SH3BP5L: variants seen among roughly 807,000 people sequenced by gnomAD.
SH3BP5L encodes SH3 binding domain protein 5 like.
Under a neutral mutation model 40.9 loss-of-function variants are expected in SH3BP5L, and 16 were observed. The ratio of observed to expected loss-of-function variants is 0.39; its 90% CI spans 0.27 to 0.59. SH3BP5L has a LOEUF of 0.59. Among genes scored for constraint, SH3BP5L ranks in the 20% least tolerant of loss-of-function variants. The pLI, the probability that SH3BP5L is intolerant of heterozygous loss-of-function variation, is 0.53. For missense variants in SH3BP5L, 471 were observed against 544.6 expected (o/e 0.86, Z 1.35); for synonymous variants, 229 against 226.7 (o/e 1.01, Z -0.09).
Position 248,814,617 on chromosome 1 carries a change from G to A in SH3BP5L, c.376-7C>T, listed in dbSNP as rs946106648. On this transcript the variant is annotated splice_region_variant and splice_polypyrimidine_tract_variant and intron_variant, in intron 4 of 6. Transcript: ENST00000366472. ...TCTGTGTCTCCTGCTGAGCCTGGGGGGAGAGGGATATCAGGATGGGGAACC... is the reference window on the plus strand; with the variant it reads ...TCTGTGTCTCCTGCTGAGCCTGGGGAGAGAGGGATATCAGGATGGGGAACC... 1.2e-6 allele frequency: 2 copies of A among 1,614,092 alleles called. No individual in the cohort carries two copies. Among genetic ancestry groups the A allele is most frequent in the African/African-American group, 2.7e-5 (2 of 74,936 alleles).
Position 248,811,870 on chromosome 1 carries a change from A to T in SH3BP5L, c.*30T>A, listed in dbSNP as rs1052099240. The T allele has an allele frequency of 6.9e-7, 1 of 1,447,970 alleles. No individual in the cohort carries two copies. The highest frequency in any genetic ancestry group is 1.4e-5 in the African/African-American group (1 of 70,432). The allele number at this position is 1,447,970 out of a possible 1,614,324, so 89.7% of individuals were successfully genotyped here. ...TGGGCCCCAACCGGCCCGTGGTGGC[A>T]GATTCAAGCCAGGAACCCTGGCCCC... On this transcript the variant is annotated 3_prime_UTR_variant, in exon 7 of 7. Transcript: ENST00000366472.
chr1:248,825,215 C>T lies in SH3BP5L; in HGVS notation c.-280G>A. The T allele has an allele frequency of 8.4e-7, 1 of 1,184,626 alleles. No individual in the cohort carries two copies. The highest frequency in any genetic ancestry group is 1.0e-6 in the Non-Finnish European group (1 of 954,006). 73.4% of individuals were successfully genotyped at this position (1,184,626 alleles called of 1,614,324 possible). A position where few individuals can be genotyped will look rare whatever the true frequency, so the allele number is the denominator to read the frequency against. On this transcript the variant is annotated 5_prime_UTR_variant, in exon 2 of 7. Transcript: ENST00000366472. ...CAAACCCGGAGCAACAGCTCCAAGG[C>T]AGGGGGCAAAGGGGGCTTGGATCCT...
intron 2 of SH3BP5L, among the ~76,000 whole-genome samples, chr1:248,817,234 T>C (rs1379528260): frequency 6.6e-6 from 1 of 152,200 alleles, no homozygotes; most frequent in Non-Finnish European, 1.5e-5. Context: ...TTCCTCAAAC[T>C]GAGGGAGTCT....
chr1:248,825,502 C>G (rs892586193), intron 1 of SH3BP5L, 136 bp from the exon 2 acceptor site: 19 of 454,744 alleles, frequency 4.2e-5, no homozygotes, highest in Non-Finnish European at 5.5e-5. Context: ...CAGTCCCTAC[C>G]TCAACTTCTC....
chr1:248,816,709 C>T (rs368121251), intron 3 of SH3BP5L, 47 bp from the exon 4 acceptor site: 2 of 1,613,454 alleles, frequency 1.2e-6, no homozygotes, highest in African/African-American at 1.3e-5. Flanking sequence ...GGGTCCCAGC[C>T]CCTCTTGTTT....
chr1:248,816,102 G>A (rs867947382), intron 4 of SH3BP5L: 8 of 167,300 alleles, frequency 4.8e-5, no homozygotes, highest in Middle Eastern at 3.1e-3. Context: ...TTTGTTAAAA[G>A]TAATTTGTTA....
chr1:248,816,359 GC>G (rs1421115197), intron 4 of SH3BP5L, 174 bp downstream of exon 4: 1 of 652,760 alleles, frequency 1.5e-6, no homozygotes, highest in Non-Finnish European at 2.6e-6. Context: ...TAAGCCCAGA[GC>G]CCACGTGGTA....
At chr1:248,817,921 C>T (rs768249860) in intron 2 of SH3BP5L, among the ~76,000 whole-genome samples, 1 of 152,180 alleles carries the variant, frequency 6.6e-6, no homozygotes, top group Non-Finnish European at 1.5e-5. Context: ...CCTGGGCAGA[C>T]AAGTTGGCAG....
Position 248,812,106 on chromosome 1 carries a change from G to A in SH3BP5L, c.976C>T (p.Pro326Ser), listed in dbSNP as rs1558225475. The A allele has an allele frequency of 6.2e-7, 1 of 1,610,868 alleles. No homozygotes were observed. Among genetic ancestry groups the A allele is most frequent in the Non-Finnish European group, 8.5e-7 (1 of 1,178,454 alleles). ...LEEGSSLGPG[P>S]APDTDTLSLL... ...CTCAGGGTATCGGTGTCGGGGGCGG[G>A]GCCGGGCCCCAGGCTGCTGCCCTCC... Residue 326 changes from proline to serine, a missense_variant, in exon 7 of 7, where the codon CCC becomes TCC. Physicochemically the swap from Pro to Ser is moderately conservative, Grantham distance 74. Transcript: ENST00000366472. The surrounding 1 kb of genome is among the most constrained non-coding windows in gnomAD (Gnocchi z 6.1).
Position 248,813,480 on chromosome 1 carries a change from A to G in SH3BP5L, c.538-318T>C, listed in dbSNP as rs1664013941. 1.6e-5 allele frequency: 5 copies of G among 314,944 alleles called. No individual in the cohort carries two copies. The Admixed American group carries it at 2.5e-4, about 16-fold the overall frequency. 19.5% of individuals were successfully genotyped at this position (314,944 alleles called of 1,614,324 possible). A position where few individuals can be genotyped will look rare whatever the true frequency, so the allele number is the denominator to read the frequency against. On this transcript the variant is annotated intron_variant, in intron 5 of 6. Transcript: ENST00000366472. ...CTGGCTACTCAGCTTTGCTGCTGCC[A>G]GGAAAGGGATGCTGGTGCCCACTCA...
At chr1:248,814,740 T>G in intron 4 of SH3BP5L, 130 bp from the exon 5 acceptor site, 1 of 866,518 alleles carries the variant, frequency 1.2e-6, no homozygotes, top group South Asian at 1.4e-5. Flanking sequence ...TCCCAAACTG[T>G]GCTGAGGATA....
At chr1:248,818,879 C>T (rs1664179770) in intron 2 of SH3BP5L, among the ~76,000 whole-genome samples, 1 of 152,344 alleles carries the variant, frequency 6.6e-6, no homozygotes, top group South Asian at 2.1e-4. Flanking sequence ...TGTCTCTGGA[C>T]AGGAGGCTGG....
At position 248,812,992 on chromosome 1, in the gene SH3BP5L, C is replaced by T. The variant is rs747460082; in HGVS notation, c.708G>A (p.Leu236=). 55 of 1,583,280 alleles carry T rather than the reference C, an allele frequency of 3.5e-5. No individual in the cohort carries two copies. Among genetic ancestry groups the T allele is most frequent in the Non-Finnish European group, 4.1e-5 (48 of 1,160,178 alleles). The change falls in exon 6 of 7, where the codon CTG becomes CTA. Residue 236 remains leucine, a synonymous_variant. Transcript: ENST00000366472. This position sits in a 1 kb window ranked among gnomAD's most constrained non-coding sequence, Gnocchi z 6.1. The stretch of plus-strand genomic sequence containing the variant: ...TCCCCCTCACCCACTCAGCTACCTC[C>T]AGGATCTGGCTGAACTGGGCCTTGA... The part of the protein sequence containing the change: ...FELKAQFSQI[L]EEHKAKVTEL...
rs952233631 is a variant in SH3BP5L at position 248,811,651 on chromosome 1, C to A, written c.*249G>T. On this transcript the variant is annotated 3_prime_UTR_variant, in exon 7 of 7. Coordinates refer to ENST00000366472, the MANE Select transcript of SH3BP5L (RefSeq NM_030645.3). ...ATCGTGATGAGCTGGCAGGCAGAGGCAGACAGAGCGCCGAGGGCGAGCCTT... is the reference window on the plus strand; with the variant it reads ...ATCGTGATGAGCTGGCAGGCAGAGGAAGACAGAGCGCCGAGGGCGAGCCTT... The A allele has an allele frequency of 4.0e-6, 2 of 497,992 alleles. No homozygotes were observed. Among genetic ancestry groups the A allele is most frequent in the Non-Finnish European group, 7.1e-6 (2 of 282,342 alleles). The allele number at this position is 497,992 out of a possible 1,614,324, so 30.8% of individuals were successfully genotyped here. A position where few individuals can be genotyped will look rare whatever the true frequency, so the allele number is the denominator to read the frequency against.
Position 248,813,016 on chromosome 1 carries a change from G to A in SH3BP5L, c.684C>T (p.Leu228=). The A allele has an allele frequency of 6.2e-7, 1 of 1,600,852 alleles. No individual in the cohort carries two copies. Among genetic ancestry groups the A allele is most frequent in the Non-Finnish European group, 8.5e-7 (1 of 1,171,442 alleles). Residue 228 remains leucine, a synonymous_variant, in exon 6 of 7, where the codon CTC becomes CTT. Coordinates refer to ENST00000366472, the MANE Select transcript of SH3BP5L (RefSeq NM_030645.3). ...CCAGGATCTGGCTGAACTGGGCCTT[G>A]AGCTCAAAGTAGGGGCGGCTCTTGC... ...AIGKSRPYFE[L]KAQFSQILEE...
intron 2 of SH3BP5L, among the ~76,000 whole-genome samples, chr1:248,817,541 G>A (rs1465018696): frequency 6.6e-6 from 1 of 152,192 alleles, no homozygotes; most frequent in African/African-American, 2.4e-5. Flanking sequence ...CAGCTGGAAG[G>A]ACTTCATAGA....
chr1:248,812,943 G>A lies in SH3BP5L; in HGVS notation c.711+46C>T. On this transcript the variant is annotated intron_variant, in intron 6 of 6. Coordinates refer to ENST00000366472, the MANE Select transcript of SH3BP5L (RefSeq NM_030645.3). This position sits in a 1 kb window ranked among gnomAD's most constrained non-coding sequence, Gnocchi z 6.1. ...GGCCGACCAGCATCCCCTCCAGCCT[G>A]CACCCCCACCTACCCATTCCTCCTC... The A allele has an allele frequency of 1.3e-6, 2 of 1,513,618 alleles. No individual in the cohort carries two copies. Among genetic ancestry groups the A allele is most frequent in the Non-Finnish European group, 1.8e-6 (2 of 1,118,488 alleles). The allele number at this position is 1,513,618 out of a possible 1,614,324, so 93.8% of individuals were successfully genotyped here. A position where few individuals can be genotyped will look rare whatever the true frequency, so the allele number is the denominator to read the frequency against.
rs758920602 is a variant in SH3BP5L at position 248,811,988 on chromosome 1, C to T, written c.1094G>A (p.Gly365Asp). Reference protein sequence around the residue: ...RGLSDHVSLDGQELGTRSGGR... With the variant: ...RGLSDHVSLDDQELGTRSGGR... The stretch of plus-strand genomic sequence containing the variant: ...TCCACTCCGCGTTCCCAGCTCTTGG[C>T]CGTCCAGACTGACGTGGTCCGAGAG... Residue 365 changes from glycine to aspartate, a missense_variant, in exon 7 of 7, where the codon GGC (glycine) becomes GAC (aspartate). By Grantham distance (94) the Gly-to-Asp change is moderately conservative. This residue lies in a region of SH3BP5L where 196 missense variants were observed against 174.6 expected (regional missense o/e 1.12). Transcript: ENST00000366472. 1 of 1,603,602 alleles carries T rather than the reference C, an allele frequency of 6.2e-7. No individual in the cohort carries two copies. Among genetic ancestry groups the T allele is most frequent in the Non-Finnish European group, 8.5e-7 (1 of 1,176,066 alleles).
At chr1:248,817,997 G>GTCTGCAATGGCA (rs1558229214) in intron 2 of SH3BP5L, among the ~76,000 whole-genome samples, 1 of 152,212 alleles carries the variant, frequency 6.6e-6, no homozygotes, top group Non-Finnish European at 1.5e-5. Context: ...AATGGCAAAA[G>GTCTGCAATGGCA]GGTCTCTCAG....
Sources: allele counts gnomAD v4.1 joint callset (sites outside exome capture counted in the v4.1 genomes callset), GRCh38; gene constraint gnomAD v4.1.1; regional missense constraint gnomAD v4.1.1; non-coding constraint Gnocchi (gnomAD v3.1); transcripts MANE v1.5; gene names NCBI Gene and HGNC (gene_info 2026-07-23, HGNC 2026-07-21).